Variants in LYRM7 observed in about 807,000 individuals in gnomAD.
LYRM7 encodes complex III assembly factor LYRM7.
LYRM7 carries 9 observed loss-of-function variants against 15.8 expected under a neutral mutation model. The ratio of observed to expected loss-of-function variants is 0.57; its 90% CI spans 0.34 to 0.99. LYRM7 has a LOEUF of 0.99. Ranked by LOEUF, LYRM7 falls within the 50% of genes least tolerant of loss-of-function variation. The probability of loss-of-function intolerance (pLI) is 0.02; values close to 1 mark genes in which losing one functional copy is unlikely to be tolerated. For missense variants in LYRM7, 115 were observed against 119.1 expected, an observed-to-expected ratio of 0.97 and a Z score of 0.16; for synonymous variants, 39 against 39.4, an observed-to-expected ratio of 0.99 and a Z score of 0.04.
chr5:131,171,119 C>T (rs1390521214), intron 1 of LYRM7, 81 bp downstream of exon 1: 2 of 1,372,826 alleles, frequency 1.5e-6, no homozygotes, highest in Admixed American at 7.6e-5. Context: ...TCTGGAGTCT[C>T]TGGAGGCTGG....
chr5:131,180,311 T>TA (rs1282097181), intron 2 of LYRM7, 144 bp downstream of exon 2: 2 of 467,740 alleles, frequency 4.3e-6, no homozygotes, highest in Non-Finnish European at 7.5e-6. Flanking sequence ...GATTAGCTTA[T>TA]ATTACACTTA....
At chr5:131,196,306 C>A (rs186653274) in intron 4 of LYRM7, among the ~76,000 whole-genome samples, 1 of 151,794 alleles carries the variant, frequency 6.6e-6, no homozygotes, top group Non-Finnish European at 1.5e-5. Flanking sequence ...TGTGAACCAC[C>A]GTGCTTGGCT....
chr5:131,196,905 C>T (rs913540697), intron 4 of LYRM7, among the ~76,000 whole-genome samples: 1 of 152,120 alleles, frequency 6.6e-6, no homozygotes, highest in Non-Finnish European at 1.5e-5. Context: ...ATCCGCCCAC[C>T]TCGGCCTCCC....
intron 1 of LYRM7, 125 bp downstream of exon 1, chr5:131,171,163 A>AC (rs1196967018): frequency 6.8e-6 from 7 of 1,032,320 alleles, no homozygotes; most frequent in Middle Eastern, 2.9e-4. Context: ...TGTGGCTGTT[A>AC]CCCCAGAGAA....
In LYRM7 at chr5:131,186,974, C is replaced by T. The variant is rs1755803919; in HGVS notation, c.163-54C>T. The T allele has an allele frequency of 5.1e-6, 5 of 975,346 alleles. No homozygotes were observed. In the East Asian group the frequency reaches 1.1e-4, roughly 20 times the overall value. The allele number at this position is 975,346 out of a possible 1,614,324, so 60.4% of individuals were successfully genotyped here. On this transcript the variant is annotated intron_variant, in intron 3 of 4. Coordinates refer to ENST00000379380, the MANE Select transcript of LYRM7 (RefSeq NM_181705.4). Reference sequence around the variant, plus strand: ...AAAACTATCGTTTTCAAAAACAGTACATTCATATGAAACACCTAAAGGACT... The same window carrying T: ...AAAACTATCGTTTTCAAAAACAGTATATTCATATGAAACACCTAAAGGACT...
chr5:131,176,220 G>A (rs1246631245), intron 1 of LYRM7, among the ~76,000 whole-genome samples: 1 of 152,162 alleles, frequency 6.6e-6, no homozygotes, highest in South Asian at 2.1e-4. Context: ...GTGTGAACAT[G>A]TTTTCATTTG....
chr5:131,174,596 C>T (rs1755568749), intron 1 of LYRM7, among the ~76,000 whole-genome samples: 1 of 152,174 alleles, frequency 6.6e-6, no homozygotes, highest in African/African-American at 2.4e-5. Context: ...CCTCTAATCC[C>T]AGCACTATGG....
chr5:131,182,589 A>G (rs917296487), intron 3 of LYRM7, among the ~76,000 whole-genome samples: 2 of 152,236 alleles, frequency 1.3e-5, no homozygotes, highest in African/African-American at 4.8e-5. Flanking sequence ...ACTTAAAGCA[A>G]GTGACTGGAA....
At position 131,204,326 on chromosome 5, in the gene LYRM7, G is replaced by C. The variant is rs1389207271; in HGVS notation, c.*4725G>C. 1 of 151,772 alleles carries C rather than the reference G, an allele frequency of 6.6e-6. No homozygotes were observed. The highest frequency in any genetic ancestry group is 1.5e-5 in the Non-Finnish European group (1 of 67,958). 9.4% of individuals were successfully genotyped at this position (151,772 alleles called of 1,614,324 possible). On this transcript the variant is annotated 3_prime_UTR_variant, in exon 5 of 5. Coordinates refer to ENST00000379380, the MANE Select transcript of LYRM7 (RefSeq NM_181705.4). ...AAGAATACTAATAAATGTGTACTCA[G>C]GTATATGTACAGAAATTGCTGTAAC...
At chr5:131,191,474 T>C (rs533421127) in intron 4 of LYRM7, among the ~76,000 whole-genome samples, 12 of 152,276 alleles carry the variant, frequency 7.9e-5, no homozygotes, top group African/African-American at 2.6e-4. Flanking sequence ...GAATTCTAAA[T>C]CAATCTCTCT....
chr5:131,181,302 A>AAAAATATAT (rs1554089865), intron 2 of LYRM7, among the ~76,000 whole-genome samples: 1 of 8,768 alleles, frequency 1.1e-4, no homozygotes, highest in African/African-American at 2.2e-4. Flanking sequence ...AAAAAAAAAA[A>AAAAATATAT]ATATATATAT....
chr5:131,190,788 G>C (rs1269020242), intron 4 of LYRM7, among the ~76,000 whole-genome samples: 1 of 152,112 alleles, frequency 6.6e-6, no homozygotes, highest in African/African-American at 2.4e-5. Context: ...ACTGCACCTG[G>C]CTGATCTAAG....
intron 1 of LYRM7, among the ~76,000 whole-genome samples, chr5:131,171,940 C>G (rs968493147): frequency 3.9e-5 from 6 of 152,174 alleles, no homozygotes; most frequent in African/African-American, 1.2e-4. Flanking sequence ...TAGCCAACAA[C>G]CAACATTTAG....
intron 4 of LYRM7, among the ~76,000 whole-genome samples, chr5:131,194,698 G>A (rs1360144048): frequency 1.3e-5 from 2 of 152,166 alleles, no homozygotes; most frequent in African/African-American, 4.8e-5. Context: ...CCGAAGTGTA[G>A]CATCTTGTGT....
intron 2 of LYRM7, among the ~76,000 whole-genome samples, chr5:131,181,654 G>A (rs928829622): frequency 5.3e-5 from 8 of 151,362 alleles, no homozygotes; most frequent in Admixed American, 6.6e-5. Flanking sequence ...AACGCTCACA[G>A]CAGCACAATA....
chr5:131,193,905 A>T lies in LYRM7; in HGVS notation c.245-5626A>T, dbSNP rs1755923781. 1.3e-5 allele frequency among the ~76,000 whole-genome samples: 2 copies of T among 152,096 alleles called. 1 individual carries two copies. Among genetic ancestry groups the T allele is most frequent in the Non-Finnish European group, 2.9e-5 (2 of 68,018 alleles). ...ATGCTTGTAGTCCCAGCTACTCAGG[A>T]GGCTGAGGCAGGAGAATCGCTTGAA... is the stretch of plus-strand genomic sequence containing the variant. On this transcript the variant is annotated intron_variant, in intron 4 of 4. Coordinates refer to ENST00000379380, the MANE Select transcript of LYRM7 (RefSeq NM_181705.4).
Position 131,200,605 on chromosome 5 carries a change from A to G in LYRM7, c.*1004A>G, listed in dbSNP as rs1436709154. 1 of 152,324 alleles carries G rather than the reference A, an allele frequency of 6.6e-6. No homozygotes were observed. The highest frequency in any genetic ancestry group is 1.9e-4 in the East Asian group (1 of 5,332). 9.4% of individuals were successfully genotyped at this position (152,324 alleles called of 1,614,324 possible). On this transcript the variant is annotated 3_prime_UTR_variant, in exon 5 of 5. Coordinates refer to ENST00000379380, the MANE Select transcript of LYRM7 (RefSeq NM_181705.4). ...AAATTCTCTCATTTGATGATGATAC[A>G]GGGTTTTTAATTTTTGCAAGATTCT...
chr5:131,189,692 T>C (rs1019356280), intron 4 of LYRM7, among the ~76,000 whole-genome samples: 2 of 152,198 alleles, frequency 1.3e-5, no homozygotes, highest in African/African-American at 4.8e-5. Context: ...TTCTGGACTT[T>C]ATAATCTCTT....
Position 131,173,697 on chromosome 5 carries a change from C to T in LYRM7, c.18+2659C>T, listed in dbSNP as rs534500073. 2.6e-5 allele frequency among the ~76,000 whole-genome samples: 4 copies of T among 152,188 alleles called. No individual in the cohort carries two copies. The East Asian group carries it at 5.8e-4, about 22-fold the overall frequency. ...CCAGGAGGCAGAGGCTGCAGTGAGC[C>T]GAGATCGCACCATTGCACTCCAGCC... On this transcript the variant is annotated intron_variant, in intron 1 of 4. Transcript: ENST00000379380.
Sources: allele counts gnomAD v4.1 joint callset (sites outside exome capture counted in the v4.1 genomes callset), GRCh38; gene constraint gnomAD v4.1.1; transcripts MANE v1.5; gene names NCBI Gene and HGNC (gene_info 2026-07-23, HGNC 2026-07-21).